MCC: variants seen among roughly 807,000 people sequenced by gnomAD.
MCC encodes the protein colorectal mutant cancer protein.
MCC carries 90 observed loss-of-function variants against 116.2 expected under a neutral mutation model. The ratio of observed to expected loss-of-function variants is 0.77; its 90% confidence interval spans 0.65 to 0.92. The LOEUF (loss-of-function observed/expected upper bound fraction) is 0.92. Ranked by LOEUF, MCC falls within the 40% of genes least tolerant of loss-of-function variation. The pLI is 0.00. For missense variants in MCC, 1,516 were observed against 1,312.2 expected, an observed-to-expected ratio of 1.16 and a Z score of -2.40; for synonymous variants, 578 against 510.5, an observed-to-expected ratio of 1.13 and a Z score of -1.78.
chr5:113,185,139 G>A (rs1761837005), intron 3 of MCC, among the ~76,000 whole-genome samples: 1 of 152,148 alleles, frequency 6.6e-6, no homozygotes, highest in Admixed American at 6.5e-5. Flanking sequence ...TGAAGAGAGA[G>A]TGGGCATAAG....
intron 1 of MCC, among the ~76,000 whole-genome samples, chr5:113,413,622 C>T (rs1770056414): frequency 6.6e-6 from 1 of 152,128 alleles, no homozygotes. Flanking sequence ...GTGATATCCC[C>T]TTTATCATTT....
intron 3 of MCC, among the ~76,000 whole-genome samples, chr5:113,273,020 T>G (rs1038122202): frequency 7.2e-5 from 11 of 152,382 alleles, no homozygotes; most frequent in Middle Eastern, 3.4e-3. Flanking sequence ...AAGAAGTTAC[T>G]GTTACTTATT....
intron 3 of MCC, among the ~76,000 whole-genome samples, chr5:113,176,368 T>C (rs965142652): frequency 6.6e-6 from 1 of 152,222 alleles, no homozygotes; most frequent in Non-Finnish European, 1.5e-5. Context: ...AACGTTTAAT[T>C]GAAAAGTTAT....
chr5:113,066,283 C>T (rs974525976), intron 13 of MCC, among the ~76,000 whole-genome samples: 9 of 152,098 alleles, frequency 5.9e-5, no homozygotes, highest in African/African-American at 1.9e-4. Flanking sequence ...ACTGGAAATA[C>T]GATTGACTTT....
rs1030867290 is a variant in MCC, at chr5:113,070,613, T to C, written c.1925+481A>G. Among the ~76,000 whole-genome samples, 7 of 152,244 alleles carry C rather than the reference T, an allele frequency of 4.6e-5. No homozygotes were observed. In the South Asian group the frequency reaches 6.2e-4, roughly 14 times the overall value. On this transcript the variant is annotated intron_variant, in intron 12 of 18. Coordinates refer to ENST00000408903, the MANE Select transcript of MCC (RefSeq NM_001085377.2). ...CTTATCTGCATTAAATTATTCATCA[T>C]AGAATTATTTTTAATATCAAAAGTC...
intron 1 of MCC, among the ~76,000 whole-genome samples, chr5:113,409,730 A>T (rs187047979): frequency 1.4e-4 from 22 of 152,274 alleles, no homozygotes; most frequent in East Asian, 7.7e-4. Flanking sequence ...GAAAAATAAG[A>T]ATCATGTACT....
intron 3 of MCC, among the ~76,000 whole-genome samples, chr5:113,207,422 G>C (rs1292082611): frequency 1.6e-5 from 2 of 127,874 alleles, no homozygotes; most frequent in Non-Finnish European, 3.2e-5. Flanking sequence ...TATTAAGAGA[G>C]CAAGGTCTGG....
At chr5:113,324,959 A>C (rs757352847) in intron 3 of MCC, among the ~76,000 whole-genome samples, 61 of 151,676 alleles carry the variant, frequency 4.0e-4, no homozygotes, top group Non-Finnish European at 3.7e-4. Flanking sequence ...TAGCCTCCCA[A>C]GTAGCTGGGA....
intron 1 of MCC, among the ~76,000 whole-genome samples, chr5:113,390,538 A>T (rs1769376312): frequency 6.6e-6 from 1 of 152,214 alleles, no homozygotes; most frequent in Non-Finnish European, 1.5e-5. Flanking sequence ...TCTATATATA[A>T]AAGTCTTCTT....
At chr5:113,121,413 C>G (rs1287701784) in intron 6 of MCC, among the ~76,000 whole-genome samples, 1 of 152,142 alleles carries the variant, frequency 6.6e-6, no homozygotes, top group Non-Finnish European at 1.5e-5. Flanking sequence ...CTCTCCAGTC[C>G]CCCTCTCACA....
At chr5:113,284,248 GC>G (rs1766160908) in intron 3 of MCC, among the ~76,000 whole-genome samples, 1 of 152,188 alleles carries the variant, frequency 6.6e-6, no homozygotes, top group Admixed American at 6.5e-5. Context: ...TACTTGGGAG[GC>G]TGAGGTGGGA....
At chr5:113,480,502 T>G (rs145477967) in intron 1 of MCC, among the ~76,000 whole-genome samples, 576 of 152,330 alleles carry the variant, frequency 3.8e-3, no homozygotes, top group Non-Finnish European at 4.4e-3. Context: ...TGTTATTCCT[T>G]CTAAAATGGA....
intron 3 of MCC, among the ~76,000 whole-genome samples, chr5:113,325,385 T>C (rs1767527670): frequency 1.3e-5 from 2 of 151,808 alleles, no homozygotes; most frequent in South Asian, 2.1e-4. Context: ...TGGAGAAGTG[T>C]ACTAAATTCT....
intron 3 of MCC, among the ~76,000 whole-genome samples, chr5:113,167,469 C>T (rs1393754232): frequency 6.6e-6 from 1 of 152,176 alleles, no homozygotes; most frequent in Non-Finnish European, 1.5e-5. Context: ...CATAAAGGAA[C>T]AGCTTCCTCA....
In MCC at chr5:113,143,271, G is replaced by T. The variant is rs1240310647; in HGVS notation, c.831C>A (p.Ser277Arg). Residue 277 changes from serine to arginine, a missense_variant, in exon 5 of 19, where the codon AGC becomes AGA. Transcript: ENST00000408903. ...RYEERITELHSVIAELNKKID... is the reference protein window; with the variant it reads ...RYEERITELHRVIAELNKKID... Reference sequence around the variant, plus strand: ...TCTTCTTGTTGAGCTCCGCAATGACGCTGTGGAGCTCTGTGATGCGTTCCT... The same window carrying T: ...TCTTCTTGTTGAGCTCCGCAATGACTCTGTGGAGCTCTGTGATGCGTTCCT... 5 of 1,613,268 alleles carry T rather than the reference G, an allele frequency of 3.1e-6. No homozygotes were observed. The highest frequency in any genetic ancestry group is 4.2e-6 in the Non-Finnish European group (5 of 1,179,764).
intron 3 of MCC, among the ~76,000 whole-genome samples, chr5:113,266,593 T>A (rs1413272390): frequency 6.6e-6 from 1 of 152,180 alleles, no homozygotes; most frequent in East Asian, 1.9e-4. Context: ...TAGAATGCAG[T>A]GATGGGGAGA....
chr5:113,348,797 T>C (rs1212239145), intron 2 of MCC, among the ~76,000 whole-genome samples: 1 of 151,752 alleles, frequency 6.6e-6, no homozygotes, highest in African/African-American at 2.4e-5. Context: ...ATAAATAAAA[T>C]TGACAAACCT....
Position 113,027,428 on chromosome 5 carries a change from C to A in MCC, c.2934G>T (p.Lys978Asn). 1 of 1,614,216 alleles carries A rather than the reference C, an allele frequency of 6.2e-7. No homozygotes were observed. Among genetic ancestry groups the A allele is most frequent in the Non-Finnish European group, 8.5e-7 (1 of 1,180,046 alleles). The change falls in exon 19 of 19, where the codon AAG (lysine) becomes AAT (asparagine). Residue 978 changes from lysine (K) to asparagine (N), a missense_variant. Physicochemically the swap from Lys to Asn is moderately conservative, Grantham distance 94. Transcript: ENST00000408903. ...KAKKKHQNKL[K>N]KLESQMMAMV... ...TGGCCATCATCTGCGACTCTAACTT[C>A]TTCAGTTTGTTTTGATGCTTTTTCT...
intron 1 of MCC, among the ~76,000 whole-genome samples, chr5:113,404,647 G>A (rs1400077240): frequency 1.3e-5 from 2 of 152,184 alleles, no homozygotes; most frequent in African/African-American, 4.8e-5. Context: ...GTTATTCAAT[G>A]CAGCACTATT....
Sources: allele counts gnomAD v4.1 joint callset (sites outside exome capture counted in the v4.1 genomes callset), GRCh38; gene constraint gnomAD v4.1.1; transcripts MANE v1.5; gene names NCBI Gene and HGNC (gene_info 2026-07-23, HGNC 2026-07-21).